PKIB: variants seen among roughly 807,000 people sequenced by gnomAD.
PKIB encodes PKI-beta.
Under a neutral mutation model 4.5 loss-of-function variants are expected in PKIB, and 2 were observed. The observed-to-expected ratio is 0.44, with a 90% confidence interval of 0.18 to 1.39. The LOEUF is 1.39. PKIB is among the 40% of genes most tolerant of loss of function. The probability of loss-of-function intolerance (pLI) is 0.27; values close to 1 mark genes in which losing one functional copy is unlikely to be tolerated. For missense variants in PKIB, 94 were observed against 92.6 expected (o/e 1.02, Z -0.06); for synonymous variants, 38 against 36.0 (o/e 1.06, Z -0.20).
chr6:122,596,046 A>G (rs192483766), intron 3 of PKIB, among the ~76,000 whole-genome samples: 1 of 152,226 alleles, frequency 6.6e-6, no homozygotes, highest in Admixed American at 6.5e-5. Context: ...GTCCCTGACC[A>G]TCCAGCCAAA....
intron 2 of PKIB, among the ~76,000 whole-genome samples, chr6:122,532,484 CAGAA>C (rs1777288077): frequency 6.6e-6 from 1 of 152,104 alleles, no homozygotes; most frequent in Admixed American, 6.5e-5. Context: ...TATCCATCTC[CAGAA>C]TGAAATTCTG....
intron 1 of PKIB, among the ~76,000 whole-genome samples, chr6:122,476,046 A>C (rs1352531181): frequency 6.6e-6 from 1 of 152,188 alleles, no homozygotes; most frequent in Non-Finnish European, 1.5e-5. Flanking sequence ...TAATCAGGTC[A>C]TATTTTTCTG....
chr6:122,639,951 A>G (rs1776062526), intron 2 of PKIB, among the ~76,000 whole-genome samples: 1 of 152,118 alleles, frequency 6.6e-6, no homozygotes, highest in Non-Finnish European at 1.5e-5. Flanking sequence ...AAGACAATAC[A>G]ATAAGGGACT....
chr6:122,566,325 A>G (rs1773191881), intron 2 of PKIB, among the ~76,000 whole-genome samples: 2 of 152,188 alleles, frequency 1.3e-5, no homozygotes, highest in Admixed American at 1.3e-4. Flanking sequence ...ATTACTTTCT[A>G]GCCATTTGGC....
chr6:122,701,290 C>T (rs1778803621), intron 3 of PKIB: 6 of 625,154 alleles, frequency 9.6e-6, no homozygotes, highest in Non-Finnish European at 1.7e-5. Flanking sequence ...CATAGGTGTA[C>T]CATTACAAGC....
chr6:122,650,465 T>A (rs1459418346), intron 2 of PKIB, among the ~76,000 whole-genome samples: 1 of 152,202 alleles, frequency 6.6e-6, no homozygotes, highest in South Asian at 2.1e-4. Flanking sequence ...ATTTAGTAGA[T>A]TACCTATTTC....
intron 2 of PKIB, among the ~76,000 whole-genome samples, chr6:122,539,007 C>T (rs1340536053): frequency 6.6e-6 from 1 of 152,008 alleles, no homozygotes; most frequent in Non-Finnish European, 1.5e-5. Context: ...TATAAGAATG[C>T]TTCTGATTTT....
intron 3 of PKIB, among the ~76,000 whole-genome samples, chr6:122,587,180 TC>T (rs1242319556): frequency 2.0e-5 from 3 of 152,058 alleles, no homozygotes; most frequent in Non-Finnish European, 4.4e-5. Flanking sequence ...TCCCCCGTCC[TC>T]CCACTCCACA....
At chr6:122,487,124 C>T (rs1775790448) in intron 2 of PKIB, among the ~76,000 whole-genome samples, 1 of 152,100 alleles carries the variant, frequency 6.6e-6, no homozygotes, top group Non-Finnish European at 1.5e-5. Flanking sequence ...AACATATTCA[C>T]ATTTTGCCAA....
At chr6:122,709,079 C>T (rs1779172889) in intron 3 of PKIB, among the ~76,000 whole-genome samples, 1 of 152,184 alleles carries the variant, frequency 6.6e-6, no homozygotes, top group Admixed American at 6.5e-5. Context: ...TAAATAAATT[C>T]CATTTGTGTA....
At chr6:122,690,986 T>C (rs1778328377) in intron 3 of PKIB, among the ~76,000 whole-genome samples, 1 of 150,870 alleles carries the variant, frequency 6.6e-6, no homozygotes, top group South Asian at 2.1e-4. Context: ...TTTTTTTCCT[T>C]TAGCCCTTTA....
At chr6:122,683,068 C>T (rs1372207308) in intron 3 of PKIB, among the ~76,000 whole-genome samples, 1 of 152,128 alleles carries the variant, frequency 6.6e-6, no homozygotes, top group Non-Finnish European at 1.5e-5. Context: ...TATGTGCTGC[C>T]TCCCTGGAAT....
chr6:122,517,825 A>G (rs1776809924), intron 2 of PKIB, among the ~76,000 whole-genome samples: 3 of 152,208 alleles, frequency 2.0e-5, no homozygotes, highest in South Asian at 4.1e-4. Context: ...TAGCATTCCT[A>G]CATGTGATAT....
intron 3 of PKIB, among the ~76,000 whole-genome samples, chr6:122,693,584 A>G (rs906705766): frequency 1.3e-5 from 2 of 152,240 alleles, no homozygotes; most frequent in African/African-American, 2.4e-5. Flanking sequence ...GACAATACTT[A>G]AAATGCCAAC....
intron 3 of PKIB, among the ~76,000 whole-genome samples, chr6:122,594,181 T>C (rs1774098103): frequency 6.6e-6 from 1 of 151,534 alleles, no homozygotes; most frequent in African/African-American, 2.4e-5. Context: ...TTATGTTACA[T>C]AATAAAGGAG....
Position 122,549,496 on chromosome 6 carries a change from GT to G in PKIB, c.-247-36423del, listed in dbSNP as rs555795972. 3.1e-3 allele frequency among the ~76,000 whole-genome samples: 478 copies of G among 152,200 alleles called. 2 individuals carry two copies. The highest frequency in any genetic ancestry group is 5.4e-3 in the Non-Finnish European group (368 of 68,010). ...TCTTTAACCTTGTGAGTTCCTTGAA[GT>G]TAGGATCCCAGTCTTATTCCAATTT... On this transcript the variant is annotated intron_variant, in intron 2 of 6. Transcript: ENST00000392491.
At chr6:122,567,232 C>T (rs753297886) in intron 2 of PKIB, among the ~76,000 whole-genome samples, 6 of 152,136 alleles carry the variant, frequency 3.9e-5, no homozygotes, top group Non-Finnish European at 8.8e-5. Flanking sequence ...GTGTGTGCTG[C>T]AAGTCAGAAA....
At chr6:122,711,594 A>G (rs1779274759) in intron 3 of PKIB, among the ~76,000 whole-genome samples, 2 of 152,188 alleles carry the variant, frequency 1.3e-5, no homozygotes, top group Non-Finnish European at 2.9e-5. Flanking sequence ...AAAGAATAAG[A>G]TGACCAGTTA....
At chr6:122,497,302 C>A (rs1237222958) in intron 2 of PKIB, among the ~76,000 whole-genome samples, 1 of 152,154 alleles carries the variant, frequency 6.6e-6, no homozygotes, top group Non-Finnish European at 1.5e-5. Flanking sequence ...AGAACCTATA[C>A]AACAACTACA....
Sources: gnomAD v4.1 joint callset for allele counts (sites outside exome capture counted in the v4.1 genomes callset) on GRCh38, gnomAD v4.1.1 for gene constraint, MANE v1.5 for transcripts, NCBI Gene and HGNC (gene_info 2026-07-23, HGNC 2026-07-21) for gene names.